The following TRAP1 variants were observed in gnomAD, a reference collection of about 807,000 sequenced individuals.
The protein encoded by TRAP1 is TNF receptor associated protein 1.
A neutral mutation model predicts 89.1 loss-of-function variants in TRAP1; 102 were observed. That is an observed-to-expected ratio of 1.15 (90% CI 0.98 to 1.35). TRAP1 has a LOEUF of 1.35. Ranked by LOEUF, TRAP1 falls within the 40% of genes most tolerant of loss-of-function variation. The pLI, the probability that TRAP1 is intolerant of heterozygous loss-of-function variation, is 0.00. For missense variants in TRAP1, 1,256 were observed against 945.3 expected (o/e 1.33, Z -4.31); for synonymous variants, 508 against 388.0 (o/e 1.31, Z -3.64).
Position 3,689,085 on chromosome 16 carries a change from A to G in TRAP1, c.300T>C (p.Ile100=), listed in dbSNP as rs759258301. Reference sequence around the variant, plus strand: ...TTTCTGAGTACAGGGACCGGGCAACAATGTCCAAAAGCTTCTTTGTCTCGG... The same window carrying G: ...TTTCTGAGTACAGGGACCGGGCAACGATGTCCAAAAGCTTCTTTGTCTCGG... ...FQAETKKLLD[I]VARSLYSEKE... Residue 100 remains isoleucine (I), a synonymous_variant, in exon 3 of 18, where the codon ATT becomes ATC. Coordinates refer to ENST00000246957, the MANE Select transcript of TRAP1 (RefSeq NM_016292.3). The G allele has an allele frequency of 8.1e-6, 13 of 1,613,878 alleles. No individual in the cohort carries two copies. In the East Asian group the frequency reaches 2.7e-4, roughly 33 times the overall value.
chr16:3,661,655 G>A (rs7200737), intron 16 of TRAP1: 95,002 of 271,110 alleles, frequency 0.35, 20,244 homozygotes, highest in African/African-American at 0.66. Flanking sequence ...TGAGACTTCA[G>A]CAAACACCAA....
At chr16:3,674,688 C>T in intron 8 of TRAP1, 194 bp from the exon 9 acceptor site, 2 of 654,290 alleles carry the variant, frequency 3.1e-6, no homozygotes, top group Non-Finnish European at 5.1e-6. Context: ...ACACACAAGG[C>T]TCTGGGGCAG....
Position 3,664,384 on chromosome 16 carries a change from C to A in TRAP1, c.1459G>T (p.Ala487Ser), listed in dbSNP as rs368889500. The A allele has an allele frequency of 4.6e-5, 74 of 1,611,898 alleles. No homozygotes were observed. The highest frequency in any genetic ancestry group is 5.8e-5 in the Non-Finnish European group (68 of 1,179,360). Residue 487 changes from alanine (A) to serine (S), a missense_variant, in exon 13 of 18, where the codon GCC (alanine) becomes TCC (serine). Physicochemically the swap from Ala to Ser is moderately conservative, Grantham distance 99. Coordinates refer to ENST00000246957, the MANE Select transcript of TRAP1 (RefSeq NM_016292.3). ...SGQLTSLSEYASRMRAGTRNI... is the reference protein window; with the variant it reads ...SGQLTSLSEYSSRMRAGTRNI... ...CGGGTGCCGGCCCGCATGCGGCTGG[C>A]GTATTCTGAGAGGCTGGTTAGCTGC...
In TRAP1 at chr16:3,658,202, C is replaced by A. The variant is rs2042830115; in HGVS notation, c.2042G>T (p.Gly681Val). Reference protein sequence around the residue: ...QIYENAMIAAGLVDDPRAMVG... With the variant: ...QIYENAMIAAVLVDDPRAMVG... ...CATGGCCCTAGGGTCGTCAACAAGT[C>A]CAGCAGCAATCATGGCGTTCTCGTA... is the stretch of plus-strand genomic sequence containing the variant. The change falls in exon 18 of 18, where the codon GGA becomes GTA. Residue 681 changes from glycine to valine, a missense_variant. Physicochemically the swap from Gly to Val is moderately radical, Grantham distance 109. Coordinates refer to ENST00000246957, the MANE Select transcript of TRAP1 (RefSeq NM_016292.3). 1 of 1,613,882 alleles carries A rather than the reference C, an allele frequency of 6.2e-7. No homozygotes were observed. The highest frequency in any genetic ancestry group is 1.3e-5 in the African/African-American group (1 of 74,882).
At chr16:3,710,887 T>TTTTTTTTTTTG (rs2051522121) in intron 1 of TRAP1, among the ~76,000 whole-genome samples, 2 of 145,272 alleles carry the variant, frequency 1.4e-5, no homozygotes, top group East Asian at 4.5e-4. Flanking sequence ...ATATTTTTTT[T>TTTTTTTTTTTG]TTTGAGACAC....
chr16:3,682,860 A>G (rs1468442837), intron 4 of TRAP1, among the ~76,000 whole-genome samples: 1 of 151,982 alleles, frequency 6.6e-6, no homozygotes, highest in Non-Finnish European at 1.5e-5. Flanking sequence ...TCCTGACTCT[A>G]AACAAACATA....
intron 1 of TRAP1, among the ~76,000 whole-genome samples, chr16:3,695,280 G>C (rs1596738394): frequency 6.6e-6 from 1 of 152,182 alleles, no homozygotes; most frequent in African/African-American, 2.4e-5. Context: ...GCGGGAAGGG[G>C]AGAGGGCTGG....
At position 3,661,982 on chromosome 16, in the gene TRAP1, C is replaced by T. The variant is rs766252307; in HGVS notation, c.1940+5G>A. On this transcript the variant is annotated splice_donor_5th_base_variant and intron_variant, in intron 16 of 17. Transcript: ENST00000246957. ...AGGCTGGAAGAGCCAGGAGCGTGGC[C>T]TCACCTGGGGTTGATCTCCAGCGTG... 1.8e-5 allele frequency: 28 copies of T among 1,598,112 alleles called. No homozygotes were observed. Among genetic ancestry groups the T allele is most frequent in the Non-Finnish European group, 2.3e-5 (27 of 1,170,430 alleles).
chr16:3,659,944 C>CAGGAGT (rs2042975206), intron 16 of TRAP1: 1 of 152,112 alleles, frequency 6.6e-6, no homozygotes, highest in Non-Finnish European at 1.5e-5. Flanking sequence ...GAGATGAGGT[C>CAGGAGT]TCGAACTCCT....
chr16:3,706,141 G>C (rs2051441981), intron 1 of TRAP1, among the ~76,000 whole-genome samples: 1 of 151,646 alleles, frequency 6.6e-6, no homozygotes, highest in Non-Finnish European at 1.5e-5. Flanking sequence ...TTTTAGTAGA[G>C]ACGGGTTTTG....
chr16:3,680,635 C>G (rs1161490153), intron 4 of TRAP1, among the ~76,000 whole-genome samples: 1 of 152,254 alleles, frequency 6.6e-6, no homozygotes, highest in Non-Finnish European at 1.5e-5. Flanking sequence ...CTGGCCTATC[C>G]TGTTGCAGCT....
At chr16:3,712,347 G>C (rs956100964) in intron 1 of TRAP1, among the ~76,000 whole-genome samples, 1 of 128,504 alleles carries the variant, frequency 7.8e-6, no homozygotes, top group African/African-American at 2.9e-5. Context: ...AGACAAGCAA[G>C]TATCACAGGC....
chr16:3,692,532 T>C (rs1183763026), intron 1 of TRAP1, among the ~76,000 whole-genome samples: 1 of 142,282 alleles, frequency 7.0e-6, no homozygotes, highest in Non-Finnish European at 1.5e-5. Flanking sequence ...CAACATTCTG[T>C]CTCAAAAAAA....
intron 4 of TRAP1, among the ~76,000 whole-genome samples, chr16:3,683,527 A>C (rs2051099975): frequency 6.6e-6 from 1 of 151,692 alleles, no homozygotes; most frequent in Non-Finnish European, 1.5e-5. Flanking sequence ...CTGGGATTAC[A>C]GGTGCACACC....
chr16:3,716,305 C>A (rs1346366026), intron 1 of TRAP1, among the ~76,000 whole-genome samples: 1 of 152,156 alleles, frequency 6.6e-6, no homozygotes, highest in Non-Finnish European at 1.5e-5. Flanking sequence ...GCTAACATTT[C>A]AAAAATGCAT....
In TRAP1 at chr16:3,671,629, C is replaced by T. The variant is rs2050913829; in HGVS notation, c.1235+93G>A. The T allele has an allele frequency of 6.4e-6, 9 of 1,406,918 alleles. No individual in the cohort carries two copies. In the Middle Eastern group the frequency reaches 9.8e-4, roughly 153 times the overall value. The allele number at this position is 1,406,918 out of a possible 1,614,324, so 87.2% of individuals were successfully genotyped here. On this transcript the variant is annotated intron_variant, in intron 11 of 17. Coordinates refer to ENST00000246957, the MANE Select transcript of TRAP1 (RefSeq NM_016292.3). Reference sequence around the variant, plus strand: ...CTTCCCCGACCACCTCTGCTCTCAGCTCCATGGGCCACGGCTAGGGCCCTC... The same window carrying T: ...CTTCCCCGACCACCTCTGCTCTCAGTTCCATGGGCCACGGCTAGGGCCCTC...
At chr16:3,677,291 G>A (rs1232476382) in intron 6 of TRAP1, among the ~76,000 whole-genome samples, 1 of 152,084 alleles carries the variant, frequency 6.6e-6, no homozygotes, top group Non-Finnish European at 1.5e-5. Context: ...GCGCAGTGGT[G>A]GTGACCAACC....
At chr16:3,679,398 G>T (rs1293191780) in intron 5 of TRAP1, among the ~76,000 whole-genome samples, 5 of 152,064 alleles carry the variant, frequency 3.3e-5, no homozygotes, top group Non-Finnish European at 7.4e-5. Context: ...CATTCTATCA[G>T]GTATTATAAC....
chr16:3,658,419 C>CAACACATAAAT, intron 17 of TRAP1, 189 bp from the exon 18 acceptor site: 1 of 610,490 alleles, frequency 1.6e-6, no homozygotes, highest in Non-Finnish European at 2.9e-6. Context: ...CACGCCTGGC[C>CAACACATAAAT]ATTTTTCCGT....
Sources: gnomAD v4.1 joint callset for allele counts (sites outside exome capture counted in the v4.1 genomes callset) on GRCh38, gnomAD v4.1.1 for gene constraint, MANE v1.5 for transcripts, NCBI Gene and HGNC (gene_info 2026-07-23, HGNC 2026-07-21) for gene names.